ANK1: variants seen among roughly 807,000 people sequenced by gnomAD.
ANK1 encodes ankyrin 1.
ANK1 carries 51 observed loss-of-function variants against 210.4 expected under a neutral mutation model. The ratio of observed to expected loss-of-function variants is 0.24; its 90% CI spans 0.19 to 0.31. The LOEUF (loss-of-function observed/expected upper bound fraction) is 0.31. ANK1 is among the 10% of genes least tolerant of loss of function. ANK1 has a pLI of 1.00. For missense variants in ANK1, 2,051 were observed against 2,504.4 expected (o/e 0.82, Z 3.86); for synonymous variants, 967 against 1,025.9 (o/e 0.94, Z 1.10).
At chr8:41,840,379 C>T (rs1808650145) in intron 1 of ANK1, 1 of 152,228 alleles carries the variant, frequency 6.6e-6, no homozygotes, top group Admixed American at 6.5e-5. Flanking sequence ...AAAATATATA[C>T]TCATTAATGA....
At chr8:41,661,302 C>T (rs1281636566) in intron 42 of ANK1, 128 bp downstream of exon 42, 10 of 1,391,690 alleles carry the variant, frequency 7.2e-6, no homozygotes, top group Middle Eastern at 2.4e-4. Context: ...ATCTCTGCCT[C>T]GAGACACAAC....
chr8:41,873,941 C>T (rs1816062717), intron 1 of ANK1, among the ~76,000 whole-genome samples: 1 of 152,212 alleles, frequency 6.6e-6, no homozygotes, highest in Non-Finnish European at 1.5e-5. Flanking sequence ...CAAGCTCAAA[C>T]CAACACCCTC....
At chr8:41,739,097 T>A (rs1004785010) in intron 2 of ANK1, among the ~76,000 whole-genome samples, 11 of 152,226 alleles carry the variant, frequency 7.2e-5, no homozygotes, top group Non-Finnish European at 1.2e-4. Context: ...TTACATGTGT[T>A]TTAGACCAGT....
intron 22 of ANK1, among the ~76,000 whole-genome samples, chr8:41,699,814 T>C (rs1822192663): frequency 6.6e-6 from 1 of 152,224 alleles, no homozygotes; most frequent in South Asian, 2.1e-4. Context: ...AGAACTTTGT[T>C]CGCTTAGTTC....
intron 33 of ANK1, among the ~76,000 whole-genome samples, chr8:41,689,719 C>T (rs1818745687): frequency 6.6e-6 from 1 of 152,160 alleles, no homozygotes; most frequent in South Asian, 2.1e-4. Flanking sequence ...AGCTCAAAAC[C>T]CTGGGTGTTT....
intron 37 of ANK1, 88 bp from the exon 38 acceptor site, chr8:41,673,000 A>C: frequency 7.4e-7 from 1 of 1,358,062 alleles, no homozygotes; most frequent in Non-Finnish European, 1.0e-6. Context: ...GCACGAACAC[A>C]CACATGCGGG....
At chr8:41,827,872 C>A (rs891169235) in intron 1 of ANK1, among the ~76,000 whole-genome samples, 1 of 151,494 alleles carries the variant, frequency 6.6e-6, no homozygotes, top group African/African-American at 2.4e-5. Context: ...CTCACACACC[C>A]CACACACATG....
rs574997960 is a variant in ANK1 at position 41,892,299 on chromosome 8, G to C, written c.126+4056C>G. Reference sequence around the variant, plus strand: ...TGGATCAACAAAAAACCCCTCTCCTGTCCAGGAGCAGGGCCTCCTCCTGCT... The same window carrying C: ...TGGATCAACAAAAAACCCCTCTCCTCTCCAGGAGCAGGGCCTCCTCCTGCT... On this transcript the variant is annotated intron_variant, in intron 1 of 42. Transcript: ENST00000265709. Among the ~76,000 whole-genome samples the C allele has an allele frequency of 7.3e-5, 11 of 151,522 alleles. No homozygotes were observed. In the South Asian group the frequency reaches 2.3e-3, roughly 32 times the overall value.
intron 1 of ANK1, among the ~76,000 whole-genome samples, chr8:41,824,090 G>C (rs1804938815): frequency 6.6e-6 from 1 of 152,026 alleles, no homozygotes; most frequent in South Asian, 2.1e-4. Context: ...CTCCTGAGTA[G>C]CTGGGATTAC....
chr8:41,671,395 A>G (rs1812232833), intron 38 of ANK1, among the ~76,000 whole-genome samples: 1 of 152,112 alleles, frequency 6.6e-6, no homozygotes, highest in African/African-American at 2.4e-5. Flanking sequence ...ATGGCCTTCA[A>G]CCGGAAGCAC....
chr8:41,816,737 T>C (rs192455423), intron 1 of ANK1, among the ~76,000 whole-genome samples: 1 of 152,320 alleles, frequency 6.6e-6, no homozygotes, highest in African/African-American at 2.4e-5. Flanking sequence ...GCCAATAATA[T>C]TCTTATTTAC....
At chr8:41,769,335 C>T (rs775624853) in intron 1 of ANK1, among the ~76,000 whole-genome samples, 6 of 152,186 alleles carry the variant, frequency 3.9e-5, no homozygotes, top group Non-Finnish European at 8.8e-5. Flanking sequence ...CCCAGCTCAC[C>T]CTCCAGGTCT....
chr8:41,784,004 G>A (rs1040168641), intron 1 of ANK1, among the ~76,000 whole-genome samples: 3 of 150,452 alleles, frequency 2.0e-5, no homozygotes, highest in Non-Finnish European at 2.9e-5. Context: ...GGCTATGATT[G>A]CATCACTGCA....
intron 1 of ANK1, among the ~76,000 whole-genome samples, chr8:41,873,739 G>C (rs1340066461): frequency 2.0e-5 from 3 of 152,194 alleles, no homozygotes; most frequent in African/African-American, 7.2e-5. Context: ...GTGGAGCCTG[G>C]GCCTTGCCGG....
At chr8:41,827,344 C>T (rs1309178469) in intron 1 of ANK1, among the ~76,000 whole-genome samples, 1 of 152,178 alleles carries the variant, frequency 6.6e-6, no homozygotes, top group Non-Finnish European at 1.5e-5. Flanking sequence ...TGTATGCCTC[C>T]GCCAGAGTAG....
chr8:41,673,530 T>C (rs1813167752), intron 37 of ANK1, among the ~76,000 whole-genome samples: 1 of 152,134 alleles, frequency 6.6e-6, no homozygotes, highest in African/African-American at 2.4e-5. Flanking sequence ...TTCCTCAAGT[T>C]GCCTATTGGT....
chr8:41,716,171 G>A (rs1827621679), intron 13 of ANK1, among the ~76,000 whole-genome samples: 1 of 152,170 alleles, frequency 6.6e-6, no homozygotes, highest in African/African-American at 2.4e-5. Context: ...AGCTGATAAT[G>A]TACATGGTTT....
At chr8:41,725,227 G>C (rs2150657481) in intron 6 of ANK1, among the ~76,000 whole-genome samples, 1 of 152,324 alleles carries the variant, frequency 6.6e-6, no homozygotes, top group South Asian at 2.1e-4. Context: ...GAGGGGAGGG[G>C]CGGGGTGCAG....
chr8:41,792,276 T>C (rs538338270), intron 1 of ANK1, among the ~76,000 whole-genome samples: 26 of 152,314 alleles, frequency 1.7e-4, no homozygotes, highest in African/African-American at 6.3e-4. Flanking sequence ...ACGCCACACT[T>C]GCCCTGAGAG....
Sources: allele counts gnomAD v4.1 joint callset (sites outside exome capture counted in the v4.1 genomes callset), GRCh38; gene constraint gnomAD v4.1.1; transcripts MANE v1.5; gene names NCBI Gene and HGNC (gene_info 2026-07-23, HGNC 2026-07-21).